Variants in USP32 observed in about 807,000 individuals in gnomAD.
USP32 encodes ubiquitin specific peptidase 32.
Under a neutral mutation model 204.8 loss-of-function variants are expected in USP32, and 59 were observed. The ratio of observed to expected loss-of-function variants is 0.29; its 90% CI spans 0.23 to 0.36. USP32 has a LOEUF of 0.36. Among genes scored for constraint, USP32 ranks in the 10% least tolerant of loss-of-function variants. The pLI is 1.00. For synonymous variants in USP32, 517 were observed against 678.4 expected (o/e 0.76, Z 3.70); for missense variants, 1,160 against 1,946.4 (o/e 0.60, Z 7.60).
intron 5 of USP32, among the ~76,000 whole-genome samples, chr17:60,284,749 AT>A (rs1191936662): frequency 6.6e-6 from 1 of 152,080 alleles, no homozygotes; most frequent in Admixed American, 6.6e-5. Context: ...CCTTGACCAA[AT>A]TTTTTAGGTT....
At chr17:60,290,681 T>C (rs1379854141) in intron 4 of USP32, among the ~76,000 whole-genome samples, 8 of 152,078 alleles carry the variant, frequency 5.3e-5, no homozygotes, top group Non-Finnish European at 1.0e-4. Context: ...GATAAATGAC[T>C]CTGCATGCTA....
intron 1 of USP32, among the ~76,000 whole-genome samples, chr17:60,409,233 C>T (rs1317213579): frequency 6.6e-6 from 1 of 152,082 alleles, no homozygotes; most frequent in Non-Finnish European, 1.5e-5. Context: ...CTGTAATCCC[C>T]GCTGCTAGAG....
chr17:60,368,991 A>ATTTTTTTTTTTTTTTTTTTTTTT (rs758528054), intron 1 of USP32, among the ~76,000 whole-genome samples: 18 of 114,126 alleles, frequency 1.6e-4, no homozygotes, highest in African/African-American at 4.6e-4. Context: ...TTTTTAAAAG[A>ATTTTTTTTTTTTTTTTTTTTTTT]TTTTTTTTTT....
chr17:60,224,458 T>C (rs1461526769), intron 13 of USP32, among the ~76,000 whole-genome samples: 2 of 152,154 alleles, frequency 1.3e-5, no homozygotes, highest in African/African-American at 2.4e-5. Flanking sequence ...TGCTTACACC[T>C]TCCACAGAAA....
chr17:60,267,640 C>T (rs889454492), intron 7 of USP32, among the ~76,000 whole-genome samples: 17 of 151,892 alleles, frequency 1.1e-4, no homozygotes, highest in African/African-American at 4.1e-4. Flanking sequence ...CCTGCCTCAG[C>T]CTCCCGAGTA....
chr17:60,216,608 C>T, intron 16 of USP32, among the ~76,000 whole-genome samples: 1 of 152,264 alleles, frequency 6.6e-6, no homozygotes. Flanking sequence ...AAAAAGTCAC[C>T]TAAAAAACAA....
At chr17:60,392,470 C>T (rs2089859479), upstream of USP32, 1 of 236,028 alleles carries the variant, frequency 4.2e-6, no homozygotes, top group African/African-American at 2.4e-5. Context: ...TTCCGGGGCG[C>T]TTGAGGACGA....
intron 30 of USP32, 125 bp downstream of exon 30, chr17:60,185,335 A>G (rs2084223520): frequency 2.7e-6 from 3 of 1,120,626 alleles, no homozygotes; most frequent in East Asian, 2.4e-5. Flanking sequence ...GCTTGTACAG[A>G]AAGTGTTTTA....
At chr17:60,255,297 T>TC in intron 9 of USP32, 39 bp from the exon 10 acceptor site, 3 of 1,472,882 alleles carry the variant, frequency 2.0e-6, no homozygotes, top group South Asian at 2.5e-5. Flanking sequence ...ATCTTTTTTT[T>TC]CTTTTTTTTT....
chr17:60,402,410 C>G (rs1345244219), intron 1 of USP32, among the ~76,000 whole-genome samples: 1 of 152,034 alleles, frequency 6.6e-6, no homozygotes, highest in Admixed American at 6.6e-5. Flanking sequence ...ACCACCACAC[C>G]TGGCTAATTT....
At chr17:60,253,933 T>C (rs2086231786) in intron 10 of USP32, among the ~76,000 whole-genome samples, 1 of 152,170 alleles carries the variant, frequency 6.6e-6, no homozygotes, top group Admixed American at 6.5e-5. Context: ...AGCAAATAAT[T>C]GATTTACAGG....
intron 9 of USP32, 40 bp from the exon 10 acceptor site, chr17:60,255,298 CTTTTTTTTTTTT>C: frequency 3.6e-6 from 4 of 1,100,794 alleles, no homozygotes; most frequent in Non-Finnish European, 5.1e-6. Context: ...TCTTTTTTTT[CTTTTTTTTTTTT>C]TTTTTGAGAC....
intron 1 of USP32, among the ~76,000 whole-genome samples, chr17:60,359,216 A>T (rs999970108): frequency 6.6e-6 from 1 of 152,192 alleles, no homozygotes; most frequent in African/African-American, 2.4e-5. Flanking sequence ...AACTTTCCTT[A>T]TAATCACTTA....
At chr17:60,420,766 GTGAAAAAT>G (rs1250079444) in intron 1 of USP32, among the ~76,000 whole-genome samples, 1 of 152,186 alleles carries the variant, frequency 6.6e-6, no homozygotes, top group Non-Finnish European at 1.5e-5. Context: ...TGTGAAGAAA[GTGAAAAAT>G]TACCTTTGAT....
chr17:60,417,633 T>C (rs989987944), intron 1 of USP32, among the ~76,000 whole-genome samples: 5 of 151,074 alleles, frequency 3.3e-5, no homozygotes, highest in African/African-American at 9.7e-5. Context: ...TTTGTATTTT[T>C]AGTAAAGACA....
intron 1 of USP32, among the ~76,000 whole-genome samples, chr17:60,412,914 A>T (rs1289442370): frequency 6.6e-6 from 1 of 152,204 alleles, no homozygotes; most frequent in Non-Finnish European, 1.5e-5. Flanking sequence ...ACAAGATCAC[A>T]GACGCTTGCA....
intron 3 of USP32, among the ~76,000 whole-genome samples, chr17:60,300,141 C>A (rs1367900976): frequency 6.6e-6 from 1 of 152,054 alleles, no homozygotes; most frequent in South Asian, 2.1e-4. Context: ...ATATGGTGTT[C>A]AAGAATAAAA....
At chr17:60,191,668 C>A (rs1415387847) in intron 28 of USP32, among the ~76,000 whole-genome samples, 1 of 151,416 alleles carries the variant, frequency 6.6e-6, no homozygotes, top group Non-Finnish European at 1.5e-5. Context: ...CGCCACCATG[C>A]CTGGCTAATT....
intron 11 of USP32, among the ~76,000 whole-genome samples, chr17:60,247,768 C>A (rs373315452): frequency 6.6e-6 from 1 of 152,112 alleles, no homozygotes; most frequent in African/African-American, 2.4e-5. Flanking sequence ...ATTGCAACCT[C>A]CACCTCCCCA....
Sources: allele counts gnomAD v4.1 joint callset (sites outside exome capture counted in the v4.1 genomes callset), GRCh38; gene constraint gnomAD v4.1.1; transcripts MANE v1.5; gene names NCBI Gene and HGNC (gene_info 2026-07-23, HGNC 2026-07-21).